Variants in SEMA6D observed in about 807,000 individuals in gnomAD.
The protein encoded by SEMA6D is semaphorin 6D.
In SEMA6D, 35 loss-of-function variants were observed where a neutral mutation model predicts 106.6. That is an observed-to-expected ratio of 0.33 (90% CI 0.25 to 0.44). The LOEUF (loss-of-function observed/expected upper bound fraction) is 0.44, where lower values mean the gene tolerates loss of function less well. Ranked by LOEUF, SEMA6D falls within the 20% of genes least tolerant of loss-of-function variation. The pLI, the probability that SEMA6D is intolerant of heterozygous loss-of-function variation, is 1.00. For missense variants in SEMA6D, 1,185 were observed against 1,345.9 expected (o/e 0.88, Z 1.87); for synonymous variants, 499 against 487.7 (o/e 1.02, Z -0.31).
At chr15:47,554,438 G>A (rs1190536118) in intron 3 of SEMA6D, among the ~76,000 whole-genome samples, 1 of 152,166 alleles carries the variant, frequency 6.6e-6, no homozygotes, top group Admixed American at 6.5e-5. Flanking sequence ...TTTGAAAGAG[G>A]AGACTCTCTT....
chr15:47,591,822 CTG>C (rs920512760), intron 3 of SEMA6D, among the ~76,000 whole-genome samples: 1 of 152,084 alleles, frequency 6.6e-6, no homozygotes, highest in African/African-American at 2.4e-5. Flanking sequence ...TCTAGTGTCT[CTG>C]TGTCTGAAGA....
At chr15:47,529,903 A>G (rs1202616788) in intron 3 of SEMA6D, among the ~76,000 whole-genome samples, 1 of 152,214 alleles carries the variant, frequency 6.6e-6, no homozygotes, top group Non-Finnish European at 1.5e-5. Flanking sequence ...GAAGATATTT[A>G]AAGCCTTCCA....
intron 2 of SEMA6D, among the ~76,000 whole-genome samples, chr15:47,431,996 AC>A (rs2041544721): frequency 6.6e-6 from 1 of 151,762 alleles, no homozygotes; most frequent in Non-Finnish European, 1.5e-5. Context: ...CTAAATATCC[AC>A]CCCCAACCAC....
At chr15:47,410,423 A>T (rs1241426069) in intron 1 of SEMA6D, among the ~76,000 whole-genome samples, 2 of 152,198 alleles carry the variant, frequency 1.3e-5, no homozygotes, top group African/African-American at 4.8e-5. Context: ...CACATGTTTT[A>T]TTGATGGCAG....
chr15:47,204,345 A>G (rs1042078359), intron 1 of SEMA6D, among the ~76,000 whole-genome samples: 1 of 152,154 alleles, frequency 6.6e-6, no homozygotes, highest in African/African-American at 2.4e-5. Flanking sequence ...TTCTCTCACT[A>G]TGGACTATTC....
chr15:47,279,810 T>C (rs914440181), intron 1 of SEMA6D, among the ~76,000 whole-genome samples: 2,544 of 151,256 alleles, frequency 0.017, 41 homozygotes, highest in African/African-American at 0.02. Context: ...TTTGGTTCTG[T>C]TTATATGCTG....
At chr15:47,447,011 TGCCTCATGCCTGGCCTCTTTCTGGA>T (rs1259944385) in intron 2 of SEMA6D, among the ~76,000 whole-genome samples, 3 of 152,260 alleles carry the variant, frequency 2.0e-5, no homozygotes, top group Non-Finnish European at 1.5e-5. Context: ...GTCTTTTCCT[TGCCTCATGCCTGGCCTCTTTCTGGA>T]GCCTCATCCC....
At chr15:47,664,389 G>T (rs145846027) in intron 4 of SEMA6D, among the ~76,000 whole-genome samples, 90 of 151,320 alleles carry the variant, frequency 5.9e-4, no homozygotes, top group African/African-American at 2.1e-3. Flanking sequence ...AACATTCTAG[G>T]TAATGATGAT....
At chr15:47,629,111 A>G (rs2077251219) in intron 4 of SEMA6D, among the ~76,000 whole-genome samples, 1 of 151,984 alleles carries the variant, frequency 6.6e-6, no homozygotes. Flanking sequence ...CTCCTCTAAT[A>G]CCACACACTC....
Position 47,338,607 on chromosome 15 carries a change from G to C in SEMA6D, c.-238-73786G>C, listed in dbSNP as rs570120345. ...TGCAAACCTGAGTAGCCTCACCCTG[G>C]GAGACATTAATACAATATAATGGAC... is the stretch of plus-strand genomic sequence containing the variant. On this transcript the variant is annotated intron_variant, in intron 1 of 19. Transcript: ENST00000558014. 2.1e-4 allele frequency among the ~76,000 whole-genome samples: 32 copies of C among 152,236 alleles called. 2 individuals carry two copies. The South Asian group carries it at 6.4e-3, about 31-fold the overall frequency.
chr15:47,282,421 A>T (rs1024464130), intron 1 of SEMA6D, among the ~76,000 whole-genome samples: 1 of 152,208 alleles, frequency 6.6e-6, no homozygotes, highest in Non-Finnish European at 1.5e-5. Flanking sequence ...AAATACTCAC[A>T]GTATCCTATT....
chr15:47,231,301 G>A (rs8031835), intron 1 of SEMA6D, among the ~76,000 whole-genome samples: 7,243 of 151,908 alleles, frequency 0.048, 388 homozygotes, highest in African/African-American at 0.13. Context: ...TTTATTTTCA[G>A]CACACCAAAA....
chr15:47,199,453 C>G (rs1327787636), intron 1 of SEMA6D, among the ~76,000 whole-genome samples: 2 of 152,020 alleles, frequency 1.3e-5, no homozygotes, highest in African/African-American at 4.8e-5. Flanking sequence ...GTGTGTGTCT[C>G]CCCTACAAAA....
At chr15:47,467,943 T>C (rs1206487696) in intron 2 of SEMA6D, among the ~76,000 whole-genome samples, 1 of 152,110 alleles carries the variant, frequency 6.6e-6, no homozygotes, top group African/African-American at 2.4e-5. Context: ...AGCATAAAAA[T>C]TATATTATAA....
At chr15:47,551,774 C>T (rs989415837) in intron 3 of SEMA6D, among the ~76,000 whole-genome samples, 13 of 151,336 alleles carry the variant, frequency 8.6e-5, no homozygotes, top group Non-Finnish European at 7.4e-5. Context: ...GGACTTCAAC[C>T]AGGGCCAGAG....
chr15:47,314,341 G>A (rs2036557279), intron 1 of SEMA6D, among the ~76,000 whole-genome samples: 1 of 152,126 alleles, frequency 6.6e-6, no homozygotes, highest in African/African-American at 2.4e-5. Context: ...GCTCACGCCT[G>A]TAATCCCAGC....
chr15:47,407,409 C>CAAAAAA (rs1323921492), intron 1 of SEMA6D, among the ~76,000 whole-genome samples: 2 of 118,852 alleles, frequency 1.7e-5, no homozygotes, highest in African/African-American at 3.0e-5. Flanking sequence ...ACAACAACAA[C>CAAAAAA]AAAAAAAACA....
chr15:47,346,773 G>C (rs2038062837), intron 1 of SEMA6D, among the ~76,000 whole-genome samples: 1 of 151,564 alleles, frequency 6.6e-6, no homozygotes, highest in African/African-American at 2.4e-5. Context: ...TTTTCTTACA[G>C]CATTAAAAAA....
intron 2 of SEMA6D, among the ~76,000 whole-genome samples, chr15:47,464,706 C>A (rs1254004694): frequency 6.6e-6 from 1 of 152,082 alleles, no homozygotes; most frequent in Non-Finnish European, 1.5e-5. Flanking sequence ...CCACCCTGCA[C>A]CCTTGTCAAA....
Sources: allele counts gnomAD v4.1 joint callset (sites outside exome capture counted in the v4.1 genomes callset), GRCh38; gene constraint gnomAD v4.1.1; transcripts MANE v1.5; gene names NCBI Gene and HGNC (gene_info 2026-07-23, HGNC 2026-07-21).